Variants in IL17RC observed in about 807,000 individuals in gnomAD.
IL17RC encodes interleukin 17 receptor C, also known as interleukin-17 receptor C.
In IL17RC, 53 loss-of-function variants were observed where a neutral mutation model predicts 86.7. The observed-to-expected ratio is 0.61, with a 90% CI of 0.49 to 0.77. The LOEUF (loss-of-function observed/expected upper bound fraction) is 0.77. IL17RC is among the 30% of genes least tolerant of loss of function. The probability of loss-of-function intolerance (pLI) is 0.00; values close to 1 mark genes in which losing one functional copy is unlikely to be tolerated. For synonymous variants in IL17RC, 439 were observed against 413.1 expected (o/e 1.06, Z -0.76); for missense variants, 957 against 940.0 (o/e 1.02, Z -0.24).
At position 9,923,986 on chromosome 3, in the gene IL17RC, A is replaced by C. The variant is rs200210312; in HGVS notation, c.728A>C (p.Gln243Pro). 4.3e-6 allele frequency: 7 copies of C among 1,614,014 alleles called. No homozygotes were observed. The highest frequency in any genetic ancestry group is 5.9e-6 in the Non-Finnish European group (7 of 1,180,042). ...FGLSLYWNQV[Q>P]GPPKPRWHKN... ...CTCTCCCTGTACTGGAATCAGGTCC[A>C]GGGCCCCCCAAAACCCCGGTGGCAC... Residue 243 changes from glutamine (Q) to proline (P), a missense_variant, in exon 8 of 19, where the codon CAG (glutamine) becomes CCG (proline). Gln to Pro is a moderately conservative substitution (Grantham distance 76). Coordinates refer to ENST00000403601, the MANE Select transcript of IL17RC (RefSeq NM_153460.4).
intron 17 of IL17RC, 30 bp from the exon 18 acceptor site, chr3:9,932,790 C>G (rs1453534710): frequency 1.9e-6 from 3 of 1,580,158 alleles, no homozygotes; most frequent in African/African-American, 2.7e-5. Context: ...GCCGAGCTCA[C>G]TGGCTGCCTC....
chr3:9,931,502 T>TATATATATAC (rs1306971037), intron 16 of IL17RC, among the ~76,000 whole-genome samples: 11 of 145,218 alleles, frequency 7.6e-5, no homozygotes, highest in African/African-American at 2.8e-4. Context: ...TATATATATA[T>TATATATATAC]ACTTATTTTT....
chr3:9,931,490 T>C (rs59912479), intron 16 of IL17RC, among the ~76,000 whole-genome samples: 19 of 65,214 alleles, frequency 2.9e-4, no homozygotes, highest in Non-Finnish European at 4.6e-4. Flanking sequence ...TATATATATA[T>C]ATATATATAT....
At chr3:9,929,580 T>C (rs1417347591) in intron 12 of IL17RC, 2 of 491,694 alleles carry the variant, frequency 4.1e-6, no homozygotes, top group East Asian at 6.9e-5. Flanking sequence ...GGAATCTCTT[T>C]GAGAAGGTTA....
rs576408431 is a variant in IL17RC, at chr3:9,920,959, G to A, written c.612G>A (p.Pro204=). Residue 204 remains proline (P), a synonymous_variant, in exon 7 of 19, where the codon CCG becomes CCA. Coordinates refer to ENST00000403601, the MANE Select transcript of IL17RC (RefSeq NM_153460.4). The part of the protein sequence containing the change: ...CRGLEVWNSI[P]SCWALPWLNV... ...GGCTCGAAGTCTGGAACAGCATCCCGAGCTGCTGGGGTAGGGGCTAGGGCC... is the reference window on the plus strand; with the variant it reads ...GGCTCGAAGTCTGGAACAGCATCCCAAGCTGCTGGGGTAGGGGCTAGGGCC... 1.2e-5 allele frequency: 19 copies of A among 1,595,680 alleles called. No individual in the cohort carries two copies. In the East Asian group the frequency reaches 2.0e-4, roughly 17 times the overall value.
At chr3:9,917,583 T>C in intron 1 of IL17RC, 130 bp from the exon 2 acceptor site, 17 of 1,613,464 alleles carry the variant, frequency 1.1e-5, no homozygotes, top group Non-Finnish European at 1.4e-5. Flanking sequence ...GGGCAAGAGC[T>C]GGGTCTGTCT....
Position 9,920,978 on chromosome 3 carries a change from T to C in IL17RC, c.622+9T>C. 6.3e-7 allele frequency: 1 copy of C among 1,576,846 alleles called. No individual in the cohort carries two copies. The highest frequency in any genetic ancestry group is 8.6e-7 in the Non-Finnish European group (1 of 1,166,064). On this transcript the variant is annotated intron_variant, in intron 7 of 18. Coordinates refer to ENST00000403601, the MANE Select transcript of IL17RC (RefSeq NM_153460.4). ...CATCCCGAGCTGCTGGGGTAGGGGCTAGGGCCAGTGGGCCGGGGGTAGGGA... is the reference window on the plus strand; with the variant it reads ...CATCCCGAGCTGCTGGGGTAGGGGCCAGGGCCAGTGGGCCGGGGGTAGGGA...
In IL17RC at chr3:9,920,621, C is replaced by A; in HGVS notation, c.577+19C>A. The A allele has an allele frequency of 1.3e-6, 2 of 1,512,992 alleles. No individual in the cohort carries two copies. The highest frequency in any genetic ancestry group is 1.8e-6 in the Non-Finnish European group (2 of 1,098,836). The allele number at this position is 1,512,992 out of a possible 1,614,324, so 93.7% of individuals were successfully genotyped here. A position where few individuals can be genotyped will look rare whatever the true frequency, so the allele number is the denominator to read the frequency against. On this transcript the variant is annotated intron_variant, in intron 6 of 18. Transcript: ENST00000403601. ...CTGCCTGGTAAGTGGACCCCCAAGTCCTGGCCCCCTAGCCTCTGTCCCCTC... is the reference window on the plus strand; with the variant it reads ...CTGCCTGGTAAGTGGACCCCCAAGTACTGGCCCCCTAGCCTCTGTCCCCTC...
At chr3:9,928,735 T>G in intron 12 of IL17RC, 105 bp downstream of exon 12, 1 of 1,203,948 alleles carries the variant, frequency 8.3e-7, no homozygotes, top group Non-Finnish European at 1.2e-6. Flanking sequence ...GGTTGCCAGC[T>G]TCCTCTATGG....
chr3:9,918,043 G>A lies in IL17RC; in HGVS notation c.248G>A (p.Cys83Tyr), dbSNP rs764701613. 1.3e-6 allele frequency: 2 copies of A among 1,597,458 alleles called. No individual in the cohort carries two copies. Among genetic ancestry groups the A allele is most frequent in the Non-Finnish European group, 1.7e-6 (2 of 1,172,056 alleles). Reference sequence around the variant, plus strand: ...CAGAAGGAGACCGACTGTGACCTCTGTCTGCGTGTGGCTGTCCACTTGGCC... The same window carrying A: ...CAGAAGGAGACCGACTGTGACCTCTATCTGCGTGTGGCTGTCCACTTGGCC... ...RCQKETDCDL[C>Y]LRVAVHLAVH... is the part of the protein sequence containing the mutation. The change falls in exon 3 of 19, where the codon TGT becomes TAT. Residue 83 changes from cysteine to tyrosine, a missense_variant. By Grantham distance (194) the Cys-to-Tyr change is radical. Transcript: ENST00000403601.
chr3:9,922,926 A>G (rs539668095), intron 7 of IL17RC, among the ~76,000 whole-genome samples: 1 of 152,324 alleles, frequency 6.6e-6, no homozygotes, highest in East Asian at 1.9e-4. Context: ...CTGTAATCCC[A>G]GCACTTTGGG....
intron 9 of IL17RC, 57 bp from the exon 10 acceptor site, chr3:9,928,109 G>C: frequency 6.5e-7 from 1 of 1,548,586 alleles, no homozygotes; most frequent in Non-Finnish European, 8.9e-7. Flanking sequence ...CTGTCCAGCA[G>C]AGGGCCAGGC....
In IL17RC at chr3:9,929,906, G is replaced by C; in HGVS notation, c.1156+9G>C. On this transcript the variant is annotated intron_variant, in intron 13 of 18. Coordinates refer to ENST00000403601, the MANE Select transcript of IL17RC (RefSeq NM_153460.4). ...GGAGTGCTTGTGGGCTGGTGAGTTGGGCCTGGGGGCAGCTGGGGCAGGGCC... is the reference window on the plus strand; with the variant it reads ...GGAGTGCTTGTGGGCTGGTGAGTTGCGCCTGGGGGCAGCTGGGGCAGGGCC... The C allele has an allele frequency of 6.2e-7, 1 of 1,614,104 alleles. No individual in the cohort carries two copies. Among genetic ancestry groups the C allele is most frequent in the Non-Finnish European group, 8.5e-7 (1 of 1,180,002 alleles).
In IL17RC at chr3:9,918,049, G is replaced by C; in HGVS notation, c.254G>C (p.Arg85Pro). Residue 85 changes from arginine (R) to proline (P), a missense_variant, in exon 3 of 19, where the codon CGT becomes CCT. Physicochemically the swap from Arg to Pro is moderately radical, Grantham distance 103. Transcript: ENST00000403601. The stretch of plus-strand genomic sequence containing the variant: ...GAGACCGACTGTGACCTCTGTCTGC[G>C]TGTGGCTGTCCACTTGGCCGTGCAT... ...QKETDCDLCLRVAVHLAVHGH... is the reference protein window; with the variant it reads ...QKETDCDLCLPVAVHLAVHGH... 2 of 1,593,356 alleles carry C rather than the reference G, an allele frequency of 1.3e-6. No homozygotes were observed. Among genetic ancestry groups the C allele is most frequent in the Admixed American group, 1.8e-5 (1 of 56,230 alleles).
chr3:9,933,513 T>C lies in IL17RC; in HGVS notation c.2083T>C (p.Tyr695His). The change falls in exon 19 of 19, where the codon TAC (tyrosine) becomes CAC (histidine). Residue 695 changes from tyrosine to histidine, a missense_variant. Tyr to His is a moderately conservative substitution (Grantham distance 83). Transcript: ENST00000403601. ...GGCCCTTCAGCCAGCCCTGGATAGC[T>C]ACTTCCATCCCCCGGGGACTCCCGC... ...SRALQPALDS[Y>H]FHPPGTPAPG... 1 of 1,610,312 alleles carries C rather than the reference T, an allele frequency of 6.2e-7. No individual in the cohort carries two copies. Among genetic ancestry groups the C allele is most frequent in the Non-Finnish European group, 8.5e-7 (1 of 1,178,752 alleles).
intron 12 of IL17RC, among the ~76,000 whole-genome samples, chr3:9,928,838 G>A (rs574414169): frequency 2.6e-5 from 4 of 152,186 alleles, no homozygotes; most frequent in Non-Finnish European, 5.9e-5. Context: ...TAATGCAGAT[G>A]ATAATACAGT....
chr3:9,930,953 G>C lies in IL17RC; in HGVS notation c.1387+10G>C. The C allele has an allele frequency of 1.9e-6, 3 of 1,611,828 alleles. No homozygotes were observed. The highest frequency in any genetic ancestry group is 1.1e-5 in the South Asian group (1 of 91,022). On this transcript the variant is annotated intron_variant, in intron 16 of 18. Transcript: ENST00000403601. The surrounding 1 kb of genome is among the most constrained non-coding windows in gnomAD (Gnocchi z 5.8). The stretch of plus-strand genomic sequence containing the variant: ...TGCCCCATGGACAAATGTGAGTATT[G>C]TAAGAACTGCCTTTCCTTTCTGTAC...
intron 12 of IL17RC, 22 bp from the exon 13 acceptor site, chr3:9,929,830 A>C: frequency 6.2e-7 from 1 of 1,613,942 alleles, no homozygotes; most frequent in Non-Finnish European, 8.5e-7. Flanking sequence ...TAGTGGCCCT[A>C]ACCATGGTCT....
chr3:9,923,893 T>A lies in IL17RC; in HGVS notation c.635T>A (p.Leu212His), dbSNP rs1335081005. Residue 212 changes from leucine (L) to histidine (H), a missense_variant, in exon 8 of 19, where the codon CTC becomes CAC. Physicochemically the swap from Leu to His is moderately conservative, Grantham distance 99. Coordinates refer to ENST00000403601, the MANE Select transcript of IL17RC (RefSeq NM_153460.4). ...CCTCTCCCACCAGCCCTGCCCTGGCTCAACGTGTCAGCAGATGGTGACAAC... is the reference window on the plus strand; with the variant it reads ...CCTCTCCCACCAGCCCTGCCCTGGCACAACGTGTCAGCAGATGGTGACAAC... ...SIPSCWALPW[L>H]NVSADGDNVH... The A allele has an allele frequency of 9.3e-6, 15 of 1,613,928 alleles. No homozygotes were observed. The highest frequency in any genetic ancestry group is 6.7e-5 in the Admixed American group (4 of 59,992).
Sources: allele counts gnomAD v4.1 joint callset (sites outside exome capture counted in the v4.1 genomes callset), GRCh38; gene constraint gnomAD v4.1.1; non-coding constraint Gnocchi (gnomAD v3.1); transcripts MANE v1.5; gene names NCBI Gene and HGNC (gene_info 2026-07-23, HGNC 2026-07-21).